Variants in FAM204A observed in about 807,000 individuals in gnomAD.
FAM204A encodes the protein family with sequence similarity 204 member A, also known as protein FAM204A.
In FAM204A, 16 loss-of-function variants were observed where a neutral mutation model predicts 35.4. That is an observed-to-expected ratio of 0.45 (90% confidence interval 0.31 to 0.69). The LOEUF is 0.69. FAM204A is among the 30% of genes least tolerant of loss of function. FAM204A has a pLI of 0.07. For synonymous variants in FAM204A, 76 were observed against 86.9 expected (o/e 0.88, Z 0.70); for missense variants, 240 against 265.7 (o/e 0.90, Z 0.67).
chr10:118,323,827 A>G (rs1846156823), intron 7 of FAM204A, among the ~76,000 whole-genome samples: 1 of 152,164 alleles, frequency 6.6e-6, no homozygotes, highest in African/African-American at 2.4e-5. Context: ...TCCAAGCTGG[A>G]TAAGAAATGA....
intron 7 of FAM204A, among the ~76,000 whole-genome samples, 176 bp downstream of exon 7, chr10:118,325,978 C>T (rs918055352): frequency 6.6e-5 from 10 of 151,848 alleles, no homozygotes; most frequent in African/African-American, 2.2e-4. Flanking sequence ...ACATTAAAGA[C>T]AAAATAAAAC....
At chr10:118,338,249 T>C (rs1846419031) in intron 2 of FAM204A, among the ~76,000 whole-genome samples, 1 of 152,162 alleles carries the variant, frequency 6.6e-6, no homozygotes, top group African/African-American at 2.4e-5. Flanking sequence ...TTTTTAAAGT[T>C]GGGACAGCAG....
At chr10:118,315,216 T>A (rs1846012564) in intron 7 of FAM204A, among the ~76,000 whole-genome samples, 1 of 152,166 alleles carries the variant, frequency 6.6e-6, no homozygotes, top group Non-Finnish European at 1.5e-5. Flanking sequence ...AAAATAGATA[T>A]AATGGCACAT....
rs1376491728 is a variant in FAM204A at position 118,304,368 on chromosome 10, A to C, written c.*6489T>G. ...ATTACTAAACTACTAATATAACATTACTCTTTAAAAGCCTGCTCTCTGACT... is the reference window on the plus strand; with the variant it reads ...ATTACTAAACTACTAATATAACATTCCTCTTTAAAAGCCTGCTCTCTGACT... On this transcript the variant is annotated 3_prime_UTR_variant, in exon 9 of 9. Transcript: ENST00000369183. 2 of 152,110 alleles carry C rather than the reference A, an allele frequency of 1.3e-5. No homozygotes were observed. Among genetic ancestry groups the C allele is most frequent in the African/African-American group, 2.4e-5 (1 of 41,398 alleles). The allele number at this position is 152,110 out of a possible 1,614,324, so 9.4% of individuals were successfully genotyped here. A position where few individuals can be genotyped will look rare whatever the true frequency, so the allele number is the denominator to read the frequency against.
At chr10:118,312,186 G>A (rs564215724) in intron 7 of FAM204A, among the ~76,000 whole-genome samples, 1 of 152,292 alleles carries the variant, frequency 6.6e-6, no homozygotes, top group East Asian at 1.9e-4. Context: ...GCCCACCAAT[G>A]CGGACAGCTC....
At position 118,310,899 on chromosome 10, in the gene FAM204A, T is replaced by C; in HGVS notation, c.660A>G (p.Ala220=). The C allele has an allele frequency of 6.2e-7, 1 of 1,600,490 alleles. No individual in the cohort carries two copies. The highest frequency in any genetic ancestry group is 8.5e-7 in the Non-Finnish European group (1 of 1,175,790). The part of the protein sequence containing the change: ...KKKKLAWGFE[A]KKRWETKSNM... ...TGCTTTTGGTTTCCCATCTCTTCTT[T>C]GCTTCAAACCTAAAAGGAAGAACAT... is the stretch of plus-strand genomic sequence containing the variant. The change falls in exon 9 of 9, where the codon GCA becomes GCG. Residue 220 remains alanine, a synonymous_variant. Coordinates refer to ENST00000369183, the MANE Select transcript of FAM204A (RefSeq NM_022063.3).
At chr10:118,312,089 G>A (rs1472402043) in intron 7 of FAM204A, among the ~76,000 whole-genome samples, 1 of 152,168 alleles carries the variant, frequency 6.6e-6, no homozygotes, top group Non-Finnish European at 1.5e-5. Flanking sequence ...ACGGCGCTCT[G>A]GCTGCAGAGC....
At position 118,307,659 on chromosome 10, in the gene FAM204A, C is replaced by T. The variant is rs1845885282; in HGVS notation, c.*3198G>A. The T allele has an allele frequency of 6.6e-6, 1 of 152,112 alleles. No homozygotes were observed. The allele number at this position is 152,112 out of a possible 1,614,324, so 9.4% of individuals were successfully genotyped here. A position where few individuals can be genotyped will look rare whatever the true frequency, so the allele number is the denominator to read the frequency against. On this transcript the variant is annotated 3_prime_UTR_variant, in exon 9 of 9. Transcript: ENST00000369183. Reference sequence around the variant, plus strand: ...CATTTCTTAAAAAGTAATGTCTTAACAAAAATTTGGACATTTTATAAATTA... The same window carrying T: ...CATTTCTTAAAAAGTAATGTCTTAATAAAAATTTGGACATTTTATAAATTA...
In FAM204A at chr10:118,300,753, A is replaced by C. The variant is rs1845800436; in HGVS notation, c.*10104T>G. 6.6e-6 allele frequency: 1 copy of C among 152,228 alleles called. No homozygotes were observed. Among genetic ancestry groups the C allele is most frequent in the Non-Finnish European group, 1.5e-5 (1 of 68,068 alleles). The allele number at this position is 152,228 out of a possible 1,614,324, so 9.4% of individuals were successfully genotyped here. A position where few individuals can be genotyped will look rare whatever the true frequency, so the allele number is the denominator to read the frequency against. On this transcript the variant is annotated 3_prime_UTR_variant, in exon 9 of 9. Transcript: ENST00000369183. ...GAGTTGGGGTTTGGTGGTTCCAAGG[A>C]AAGCAGCTTCCACCTGAAAGGAAGT...
In FAM204A at chr10:118,336,207, G is replaced by A. The variant is rs1226063189; in HGVS notation, c.209C>T (p.Ser70Phe). 6.2e-7 allele frequency: 1 copy of A among 1,613,666 alleles called. No homozygotes were observed. Among genetic ancestry groups the A allele is most frequent in the African/African-American group, 1.3e-5 (1 of 74,890 alleles). ...ATTCCACATATCTATGGGAATTCCA[G>A]AAGGACACTCTTCATAGGCATTTAC... ...SNVNAYEECP[S>F]GIPIDMWNKF... The change falls in exon 3 of 9, where the codon TCT (serine) becomes TTT (phenylalanine). Residue 70 changes from serine to phenylalanine, a missense_variant. Around this residue, in one of 2 missense-constraint regions of FAM204A, gnomAD observed 232 missense variants for 242.8 expected, o/e 0.96. Coordinates refer to ENST00000369183, the MANE Select transcript of FAM204A (RefSeq NM_022063.3).
intron 7 of FAM204A, among the ~76,000 whole-genome samples, chr10:118,319,165 C>T (rs751087525): frequency 1.7e-4 from 26 of 152,042 alleles, no homozygotes; most frequent in Non-Finnish European, 2.7e-4. Context: ...TAATATAAAA[C>T]GAAAAATCTG....
chr10:118,322,930 G>T lies in FAM204A; in HGVS notation c.543+3224C>A, dbSNP rs1846140703. Among the ~76,000 whole-genome samples, 4 of 152,022 alleles carry T rather than the reference G, an allele frequency of 2.6e-5. No individual in the cohort carries two copies. In the South Asian group the frequency reaches 8.3e-4, roughly 32 times the overall value. On this transcript the variant is annotated intron_variant, in intron 7 of 8. Transcript: ENST00000369183. Reference sequence around the variant, plus strand: ...GTGAATTCCCCTTGTTTCAGATGGGGGTACTAATAAGCAGAAAAAGATAAA... The same window carrying T: ...GTGAATTCCCCTTGTTTCAGATGGGTGTACTAATAAGCAGAAAAAGATAAA...
chr10:118,340,854 G>A (rs1307430874), intron 2 of FAM204A, among the ~76,000 whole-genome samples: 1 of 152,008 alleles, frequency 6.6e-6, no homozygotes, highest in Non-Finnish European at 1.5e-5. Context: ...TTACAGATGG[G>A]ATAACTGACT....
intron 2 of FAM204A, among the ~76,000 whole-genome samples, chr10:118,339,221 G>T (rs1846435432): frequency 6.6e-6 from 1 of 152,174 alleles, no homozygotes; most frequent in Admixed American, 6.5e-5. Context: ...CACTTACTGT[G>T]CAGCCTGCAA....
intron 7 of FAM204A, among the ~76,000 whole-genome samples, chr10:118,319,947 A>C (rs1846086214): frequency 6.6e-6 from 1 of 151,972 alleles, no homozygotes; most frequent in South Asian, 2.1e-4. Flanking sequence ...GGCATAAAAA[A>C]GCCAAAATGA....
At chr10:118,312,943 G>T (rs554019423) in intron 7 of FAM204A, among the ~76,000 whole-genome samples, 1 of 152,202 alleles carries the variant, frequency 6.6e-6, no homozygotes, top group South Asian at 2.1e-4. Flanking sequence ...TTTAGTATTG[G>T]CTTTGTTCTT....
chr10:118,301,683 T>C lies in FAM204A; in HGVS notation c.*9174A>G, dbSNP rs894246673. 6.6e-6 allele frequency: 1 copy of C among 152,226 alleles called. No individual in the cohort carries two copies. The highest frequency in any genetic ancestry group is 1.5e-5 in the Non-Finnish European group (1 of 68,044). 9.4% of individuals were successfully genotyped at this position (152,226 alleles called of 1,614,324 possible). ...GAATTGTCTCCCAACAAGTATATTGTTTGCTATATGTGAGAATCTATTCTC... is the reference window on the plus strand; with the variant it reads ...GAATTGTCTCCCAACAAGTATATTGCTTGCTATATGTGAGAATCTATTCTC... On this transcript the variant is annotated 3_prime_UTR_variant, in exon 9 of 9. Coordinates refer to ENST00000369183, the MANE Select transcript of FAM204A (RefSeq NM_022063.3).
Position 118,317,729 on chromosome 10 carries a change from T to C in FAM204A, c.544-6416A>G, listed in dbSNP as rs924183691. 5.3e-5 allele frequency among the ~76,000 whole-genome samples: 8 copies of C among 152,088 alleles called. 1 individual carries two copies. The highest frequency in any genetic ancestry group is 4.6e-4 in the Admixed American group (7 of 15,234). Reference sequence around the variant, plus strand: ...TTGGGAAGTCACAGCTTATTTTCCATACATTGTGCCAATTGTTGATCTACA... The same window carrying C: ...TTGGGAAGTCACAGCTTATTTTCCACACATTGTGCCAATTGTTGATCTACA... On this transcript the variant is annotated intron_variant, in intron 7 of 8. Transcript: ENST00000369183.
At chr10:118,316,290 A>G (rs892261195) in intron 7 of FAM204A, among the ~76,000 whole-genome samples, 1 of 152,188 alleles carries the variant, frequency 6.6e-6, no homozygotes, top group African/African-American at 2.4e-5. Flanking sequence ...GTATATTTCA[A>G]CAAAGAATAT....
Sources: gnomAD v4.1 joint callset for allele counts (sites outside exome capture counted in the v4.1 genomes callset) on GRCh38, gnomAD v4.1.1 for gene constraint, gnomAD v4.1.1 regional missense constraint, MANE v1.5 for transcripts, NCBI Gene and HGNC (gene_info 2026-07-23, HGNC 2026-07-21) for gene names.